ANKRD16: variants seen among roughly 807,000 people sequenced by gnomAD.
The protein encoded by ANKRD16 is ankyrin repeat domain 16.
A neutral mutation model predicts 37.9 loss-of-function variants in ANKRD16; 35 were observed. The observed-to-expected ratio is 0.92, with a 90% CI of 0.71 to 1.23. The LOEUF is 1.23. Among genes scored for constraint, ANKRD16 ranks in the 50% most tolerant of loss-of-function variants. The probability of loss-of-function intolerance (pLI) is 0.00; values close to 1 mark genes in which losing one functional copy is unlikely to be tolerated. For missense variants in ANKRD16, 480 were observed against 469.9 expected (o/e 1.02, Z -0.20); for synonymous variants, 206 against 197.2 (o/e 1.04, Z -0.37).
intron 7 of ANKRD16, among the ~76,000 whole-genome samples, chr10:5,875,233 A>G (rs1372698477): frequency 6.6e-6 from 1 of 151,614 alleles, no homozygotes; most frequent in Non-Finnish European, 1.5e-5. Flanking sequence ...CAAGAGTCAG[A>G]GGACAAAATG....
intron 7 of ANKRD16, among the ~76,000 whole-genome samples, chr10:5,876,256 C>T (rs562420495): frequency 1.3e-5 from 2 of 152,306 alleles, no homozygotes; most frequent in African/African-American, 2.4e-5. Flanking sequence ...CCAGTAACCA[C>T]GGTTTCTATT....
At chr10:5,880,725 A>T (rs1842284721) in intron 5 of ANKRD16, among the ~76,000 whole-genome samples, 1 of 152,204 alleles carries the variant, frequency 6.6e-6, no homozygotes, top group Admixed American at 6.5e-5. Flanking sequence ...TAAAGTAGCT[A>T]CCTGTGGAAA....
Position 5,863,098 on chromosome 10 carries a change from T to C in ANKRD16, c.*34-407A>G, listed in dbSNP as rs1375386415. 6.6e-6 allele frequency among the ~76,000 whole-genome samples: 1 copy of C among 152,062 alleles called. No homozygotes were observed. The highest frequency in any genetic ancestry group is 1.5e-5 in the Non-Finnish European group (1 of 68,022). On this transcript the variant is annotated intron_variant, in intron 7 of 7. Coordinates refer to ENST00000380094, the MANE Select transcript of ANKRD16 (RefSeq NM_019046.3). This position sits in a 1 kb window ranked among gnomAD's most constrained non-coding sequence, Gnocchi z 4.7. ...CCAGTGATCCTGCCACGTCCCTGAC[T>C]CCATGGGCTTTCAACACGAGGCCTC...
rs1333338428 is a variant in ANKRD16 at position 5,868,729 on chromosome 10, G to A, written c.*34-6038C>T. Among the ~76,000 whole-genome samples the A allele has an allele frequency of 6.6e-6, 1 of 152,174 alleles. No homozygotes were observed. Among genetic ancestry groups the A allele is most frequent in the Non-Finnish European group, 1.5e-5 (1 of 68,024 alleles). On this transcript the variant is annotated intron_variant, in intron 7 of 7. Coordinates refer to ENST00000380094, the MANE Select transcript of ANKRD16 (RefSeq NM_019046.3). The surrounding 1 kb of genome is among the most constrained non-coding windows in gnomAD (Gnocchi z 4.9). Reference sequence around the variant, plus strand: ...CAAATCTTGCTGCTACTCACTCTTTGGGCCCACGCCACCCTTAAGAGCTGT... The same window carrying A: ...CAAATCTTGCTGCTACTCACTCTTTAGGCCCACGCCACCCTTAAGAGCTGT...
chr10:5,866,004 T>G lies in ANKRD16; in HGVS notation c.*34-3313A>C, dbSNP rs1189306188. ...TAGTAGCAAAAGGCTGGCCTCACTG[T>G]TTATGGGTAGTTGCAGCGGTGGCCG... On this transcript the variant is annotated intron_variant, in intron 7 of 7. Transcript: ENST00000380094. The surrounding 1 kb of genome is among the most constrained non-coding windows in gnomAD (Gnocchi z 4.3). 6.6e-6 allele frequency among the ~76,000 whole-genome samples: 1 copy of G among 152,198 alleles called. No individual in the cohort carries two copies. The highest frequency in any genetic ancestry group is 2.4e-5 in the African/African-American group (1 of 41,442).
intron 7 of ANKRD16, among the ~76,000 whole-genome samples, chr10:5,873,746 C>T (rs1842140599): frequency 6.6e-6 from 1 of 152,158 alleles, no homozygotes; most frequent in African/African-American, 2.4e-5. Flanking sequence ...CTTCTTTAGC[C>T]TGACTTTTGC....
In ANKRD16 at chr10:5,878,390, T is replaced by A. The variant is rs1366533293; in HGVS notation, c.929-103A>T. On this transcript the variant is annotated intron_variant, in intron 6 of 7. Transcript: ENST00000380094. This position sits in a 1 kb window ranked among gnomAD's most constrained non-coding sequence, Gnocchi z 5.1. Reference sequence around the variant, plus strand: ...AATAAAAATATCAATTCTTTCAATATCTTCCGTAATCCATCTTCACAACTT... The same window carrying A: ...AATAAAAATATCAATTCTTTCAATAACTTCCGTAATCCATCTTCACAACTT... 9.5e-7 allele frequency: 1 copy of A among 1,050,122 alleles called. No homozygotes were observed. The highest frequency in any genetic ancestry group is 2.6e-5 in the East Asian group (1 of 38,642). 65.1% of individuals were successfully genotyped at this position (1,050,122 alleles called of 1,614,324 possible).
In ANKRD16 at chr10:5,878,144, T is replaced by C. The variant is rs775654745; in HGVS notation, c.1072A>G (p.Ser358Gly). The C allele has an allele frequency of 6.2e-7, 1 of 1,614,062 alleles. No homozygotes were observed. ...TGGAAACATCCTTATGTCATTGCGC[T>C]ATGGCCAGAGCCCTGAAGGACATCT... ...RADVLQGSGH[S>G]AMT is the part of the protein sequence containing the mutation. Residue 358 changes from serine to glycine, a missense_variant, in exon 7 of 8, where the codon AGC (serine) becomes GGC (glycine). Coordinates refer to ENST00000380094, the MANE Select transcript of ANKRD16 (RefSeq NM_019046.3). This position sits in a 1 kb window ranked among gnomAD's most constrained non-coding sequence, Gnocchi z 5.1.
chr10:5,889,159 C>T lies in ANKRD16; in HGVS notation c.196G>A (p.Ala66Thr). The T allele has an allele frequency of 6.3e-7, 1 of 1,598,428 alleles. No homozygotes were observed. The highest frequency in any genetic ancestry group is 8.5e-7 in the Non-Finnish European group (1 of 1,179,428). ...LAEAWGMDIE[A>T]TNRDYKRPLH... The stretch of plus-strand genomic sequence containing the variant: ...GGCCGCTTGTAGTCTCGGTTGGTGG[C>T]CTCGATGTCCATGCCCCAGGCCTCG... Residue 66 changes from alanine (A) to threonine (T), a missense_variant, in exon 1 of 8, where the codon GCC becomes ACC. Ala to Thr is a moderately conservative substitution (Grantham distance 58, BLOSUM62 0). Transcript: ENST00000380094.
intron 6 of ANKRD16, among the ~76,000 whole-genome samples, chr10:5,879,199 C>A (rs564106450): frequency 1.3e-5 from 2 of 152,148 alleles, no homozygotes; most frequent in Non-Finnish European, 2.9e-5. Flanking sequence ...CTAGGCCAGG[C>A]GCGGTGGCTC....
chr10:5,888,743 G>T (rs1842505960), intron 1 of ANKRD16, among the ~76,000 whole-genome samples: 1 of 152,234 alleles, frequency 6.6e-6, no homozygotes. Flanking sequence ...TCTGTATAGT[G>T]CACACACTTC....
At chr10:5,885,801 T>TA in intron 2 of ANKRD16, 36 bp from the exon 3 acceptor site, 3 of 1,587,300 alleles carry the variant, frequency 1.9e-6, no homozygotes, top group Non-Finnish European at 2.6e-6. Flanking sequence ...TTAGAGCTTT[T>TA]TAGTGCACAC....
intron 5 of ANKRD16, among the ~76,000 whole-genome samples, chr10:5,880,775 A>G (rs1016569261): frequency 3.3e-5 from 5 of 152,254 alleles, no homozygotes; most frequent in African/African-American, 1.2e-4. Flanking sequence ...TTAGGAACAA[A>G]AGGAAAGGCA....
chr10:5,886,632 C>G (rs886338929), intron 2 of ANKRD16, among the ~76,000 whole-genome samples: 3 of 152,126 alleles, frequency 2.0e-5, no homozygotes, highest in African/African-American at 7.2e-5. Context: ...TAAAACATCA[C>G]AAGTGATGAT....
chr10:5,867,853 A>T (rs542802120), intron 7 of ANKRD16, among the ~76,000 whole-genome samples: 1 of 152,284 alleles, frequency 6.6e-6, no homozygotes, highest in East Asian at 1.9e-4. Context: ...TACGATCCCA[A>T]ATAGACTCTT....
intron 5 of ANKRD16, chr10:5,882,783 T>C (rs1842338097): frequency 7.4e-6 from 3 of 405,912 alleles, no homozygotes; most frequent in African/African-American, 2.0e-5. Flanking sequence ...AGGCACTTTA[T>C]GGAGTAAAAG....
At chr10:5,873,819 T>C (rs1842142377) in intron 7 of ANKRD16, among the ~76,000 whole-genome samples, 1 of 152,206 alleles carries the variant, frequency 6.6e-6, no homozygotes. Flanking sequence ...TGTAAGTTTT[T>C]TTGGTAATAT....
intron 1 of ANKRD16, 109 bp from the exon 2 acceptor site, chr10:5,888,176 G>T: frequency 9.8e-7 from 1 of 1,022,948 alleles, no homozygotes; most frequent in Non-Finnish European, 1.4e-6. Flanking sequence ...AAACCTAGAG[G>T]ATTCAGGGGT....
At chr10:5,867,912 C>A (rs754411903) in intron 7 of ANKRD16, among the ~76,000 whole-genome samples, 5 of 152,220 alleles carry the variant, frequency 3.3e-5, no homozygotes, top group Non-Finnish European at 4.4e-5. Flanking sequence ...CTCCTCACTG[C>A]TGAGAAAGGA....
Sources: allele counts gnomAD v4.1 joint callset (sites outside exome capture counted in the v4.1 genomes callset), GRCh38; gene constraint gnomAD v4.1.1; non-coding constraint Gnocchi (gnomAD v3.1); transcripts MANE v1.5; gene names NCBI Gene and HGNC (gene_info 2026-07-23, HGNC 2026-07-21).